ARRDC3: variants seen among roughly 807,000 people sequenced by gnomAD.
The protein encoded by ARRDC3 is arrestin domain containing 3.
Under a neutral mutation model 47.2 loss-of-function variants are expected in ARRDC3, and 10 were observed. The observed-to-expected ratio is 0.21, with a 90% CI of 0.13 to 0.36. ARRDC3 has a LOEUF of 0.36. Ranked by LOEUF, ARRDC3 falls within the 10% of genes least tolerant of loss-of-function variation. The pLI, the probability that ARRDC3 is intolerant of heterozygous loss-of-function variation, is 1.00. For synonymous variants in ARRDC3, 156 were observed against 178.3 expected (o/e 0.87, Z 1.00); for missense variants, 381 against 503.6 (o/e 0.76, Z 2.33).
At chr5:91,379,186 T>A (rs189027736) in intron 1 of ARRDC3, among the ~76,000 whole-genome samples, 10 of 151,670 alleles carry the variant, frequency 6.6e-5, no homozygotes, top group Non-Finnish European at 1.5e-4. Context: ...GAAAAACTGT[T>A]CATGCAACCC....
In ARRDC3 at chr5:91,374,945, T is replaced by A; in HGVS notation, c.847A>T (p.Ile283Phe). Reference protein sequence around the residue: ...VSPSILDCSIIRVEYSLMVYV... With the variant: ...VSPSILDCSIFRVEYSLMVYV... ...ACCATTAGTGAATATTCCACGCGGATTATACTACAGTCGAGGATAGAGGGA... is the reference window on the plus strand; with the variant it reads ...ACCATTAGTGAATATTCCACGCGGAATATACTACAGTCGAGGATAGAGGGA... The change falls in exon 5 of 8, where the codon ATC (isoleucine) becomes TTC (phenylalanine). Residue 283 changes from isoleucine (I) to phenylalanine (F), a missense_variant. By Grantham distance (21) the Ile-to-Phe change is conservative. Transcript: ENST00000265138. 6.2e-7 allele frequency: 1 copy of A among 1,614,114 alleles called. No individual in the cohort carries two copies. The highest frequency in any genetic ancestry group is 8.5e-7 in the Non-Finnish European group (1 of 1,179,970).
At chr5:91,377,703 T>C (rs1010035553) in intron 2 of ARRDC3, among the ~76,000 whole-genome samples, 1 of 152,142 alleles carries the variant, frequency 6.6e-6, no homozygotes, top group African/African-American at 2.4e-5. Context: ...AACTTTAACA[T>C]TAAATGACGC....
intron 6 of ARRDC3, 87 bp downstream of exon 6, chr5:91,374,027 A>G: frequency 6.7e-7 from 1 of 1,489,872 alleles, no homozygotes; most frequent in South Asian, 1.3e-5. Context: ...GATTATGTTC[A>G]TCTAGGGTCA....
chr5:91,371,807 G>A (rs550163313), intron 7 of ARRDC3, among the ~76,000 whole-genome samples: 7 of 152,226 alleles, frequency 4.6e-5, no homozygotes, highest in African/African-American at 1.7e-4. Context: ...AATACACAAC[G>A]TAGAATATCT....
At chr5:91,378,601 C>A in intron 2 of ARRDC3, 93 bp downstream of exon 2, 1 of 720,558 alleles carries the variant, frequency 1.4e-6, no homozygotes, top group Non-Finnish European at 2.2e-6. Flanking sequence ...GTTTTTTTTT[C>A]AACTAAAAAT....
At chr5:91,379,341 TAACTAAAAATAATTATTTATTG>T (rs1436370359) in intron 1 of ARRDC3, among the ~76,000 whole-genome samples, 6 of 146,514 alleles carry the variant, frequency 4.1e-5, no homozygotes, top group African/African-American at 7.5e-5. Flanking sequence ...GTCAGATTTA[TAACTAAAAATAATTATTTATTG>T]AACTAAAAAT....
At chr5:91,379,439 A>G (rs1232643730) in intron 1 of ARRDC3, among the ~76,000 whole-genome samples, 2 of 152,160 alleles carry the variant, frequency 1.3e-5, no homozygotes, top group Non-Finnish European at 2.9e-5. Context: ...AAACTTGCAT[A>G]AACTATACCT....
intron 6 of ARRDC3, 112 bp from the exon 7 acceptor site, chr5:91,373,950 G>A: frequency 6.7e-7 from 1 of 1,490,038 alleles, no homozygotes. Context: ...ATTGTTTGGT[G>A]ATCAAAACTA....
chr5:91,382,026 CTT>C (rs1289998066), intron 1 of ARRDC3, among the ~76,000 whole-genome samples: 1 of 152,196 alleles, frequency 6.6e-6, no homozygotes, highest in East Asian at 1.9e-4. Context: ...TTATCTCTCT[CTT>C]CTAACCAAAA....
In ARRDC3 at chr5:91,376,774, C is replaced by T; in HGVS notation, c.363-6G>A. 6.2e-7 allele frequency: 1 copy of T among 1,608,558 alleles called. No individual in the cohort carries two copies. Among genetic ancestry groups the T allele is most frequent in the Non-Finnish European group, 8.5e-7 (1 of 1,178,302 alleles). Reference sequence around the variant, plus strand: ...CGAATGAGGTAGCGAGTGGTCTGTGCAGAATATAAAGGTCAATATATTAAT... The same window carrying T: ...CGAATGAGGTAGCGAGTGGTCTGTGTAGAATATAAAGGTCAATATATTAAT... On this transcript the variant is annotated splice_region_variant and splice_polypyrimidine_tract_variant and intron_variant, in intron 2 of 7. Transcript: ENST00000265138.
rs1799137171 is a variant in ARRDC3, at chr5:91,370,185, G to A, written c.*1215C>T. On this transcript the variant is annotated 3_prime_UTR_variant, in exon 8 of 8. Transcript: ENST00000265138. ...TAATATACTTTGCACCAGCAAAAGC[G>A]ATTTCCAACATATGTGTTTTGGAGG... 1 of 152,462 alleles carries A rather than the reference G, an allele frequency of 6.6e-6. No homozygotes were observed. Among genetic ancestry groups the A allele is most frequent in the African/African-American group, 2.4e-5 (1 of 41,528 alleles). The allele number at this position is 152,462 out of a possible 1,614,324, so 9.4% of individuals were successfully genotyped here.
chr5:91,383,031 A>T lies in ARRDC3; in HGVS notation c.62T>A (p.Val21Asp), dbSNP rs1247385769. The T allele has an allele frequency of 1.2e-6, 2 of 1,613,914 alleles. No individual in the cohort carries two copies. Among genetic ancestry groups the T allele is most frequent in the South Asian group, 2.2e-5 (2 of 91,080 alleles). Residue 21 changes from valine (V) to aspartate (D), a missense_variant, in exon 1 of 8, where the codon GTC becomes GAC. Coordinates refer to ENST00000265138, the MANE Select transcript of ARRDC3 (RefSeq NM_020801.4). ...GGTATCCCCACTAGAATACACAGGG[A>T]CATTGCTGTCATTAAGACAGTCAAA... ...ISFDCLNDSN[V>D]PVYSSGDTVS... is the part of the protein sequence containing the mutation.
chr5:91,381,171 C>A (rs1359611202), intron 1 of ARRDC3, among the ~76,000 whole-genome samples: 1 of 151,160 alleles, frequency 6.6e-6, no homozygotes, highest in East Asian at 2.0e-4. Context: ...TGAAACTATT[C>A]CAGACTGAGC....
Position 91,371,331 on chromosome 5 carries a change from C to A in ARRDC3, c.*69G>T. On this transcript the variant is annotated 3_prime_UTR_variant, in exon 8 of 8. Coordinates refer to ENST00000265138, the MANE Select transcript of ARRDC3 (RefSeq NM_020801.4). ...TCCTCTGAAACGTGTCTCCAAGATA[C>A]TTCTCTGTCCTCAGCCGGAAGAGAT... is the stretch of plus-strand genomic sequence containing the variant. 5 of 1,387,052 alleles carry A rather than the reference C, an allele frequency of 3.6e-6. No homozygotes were observed. In the South Asian group the frequency reaches 4.9e-5, roughly 14 times the overall value. 85.9% of individuals were successfully genotyped at this position (1,387,052 alleles called of 1,614,324 possible).
At chr5:91,375,884 C>T (rs968516397) in intron 3 of ARRDC3, among the ~76,000 whole-genome samples, 2 of 151,870 alleles carry the variant, frequency 1.3e-5, no homozygotes, top group African/African-American at 4.8e-5. Flanking sequence ...TTTTAGCTCA[C>T]ACTATTTACA....
rs536714975 is a variant in ARRDC3, at chr5:91,374,828, C to A, written c.870+94G>T. The A allele has an allele frequency of 3.9e-6, 5 of 1,289,668 alleles. No homozygotes were observed. The Admixed American group carries it at 6.5e-5, about 17-fold the overall frequency. The allele number at this position is 1,289,668 out of a possible 1,614,324, so 79.9% of individuals were successfully genotyped here. A position where few individuals can be genotyped will look rare whatever the true frequency, so the allele number is the denominator to read the frequency against. ...GGAGCCCAGAAAGCAGAGGCTGTAG[C>A]GGAGCTGAGACTGTGCCACTGCATT... On this transcript the variant is annotated intron_variant, in intron 5 of 7. Transcript: ENST00000265138.
In ARRDC3 at chr5:91,383,317, C is replaced by A. The variant is rs1241839427; in HGVS notation, c.-225G>T. The stretch of plus-strand genomic sequence containing the variant: ...CGTCTCAGTGGTCTCCTTACAAAGA[C>A]GGGCGGCTAAAAGCTGCCAGCTCAC... On this transcript the variant is annotated 5_prime_UTR_variant, in exon 1 of 8. Transcript: ENST00000265138. 2 of 441,368 alleles carry A rather than the reference C, an allele frequency of 4.5e-6. No individual in the cohort carries two copies. The highest frequency in any genetic ancestry group is 7.4e-5 in the East Asian group (2 of 27,052). The allele number at this position is 441,368 out of a possible 1,614,324, so 27.3% of individuals were successfully genotyped here.
At position 91,374,212 on chromosome 5, in the gene ARRDC3, A is replaced by G. The variant is rs138440730; in HGVS notation, c.935T>C (p.Ile312Thr). The G allele has an allele frequency of 1.9e-6, 3 of 1,613,356 alleles. No individual in the cohort carries two copies. Among genetic ancestry groups the G allele is most frequent in the Non-Finnish European group, 1.7e-6 (2 of 1,179,466 alleles). Residue 312 changes from isoleucine (I) to threonine (T), a missense_variant, in exon 6 of 8, where the codon ATT becomes ACT. Ile to Thr is a moderately conservative substitution (Grantham distance 89, BLOSUM62 -1). Transcript: ENST00000265138. ...FLNLPLVIGT[I>T]PLHPFGSRTS... ...TCTGCTACCAAATGGATGTAGAGGA[A>G]TGGTACCGATGACAAGTGGCAAATT...
At chr5:91,374,788 G>T in intron 5 of ARRDC3, 134 bp downstream of exon 5, 1 of 872,742 alleles carries the variant, frequency 1.1e-6, no homozygotes, top group Non-Finnish European at 1.7e-6. Flanking sequence ...TGGGAGCTGA[G>T]GTGGGAGGAT....
Sources: allele counts gnomAD v4.1 joint callset (sites outside exome capture counted in the v4.1 genomes callset), GRCh38; gene constraint gnomAD v4.1.1; transcripts MANE v1.5; gene names NCBI Gene and HGNC (gene_info 2026-07-23, HGNC 2026-07-21).